Variants in UBTD1 observed in about 807,000 individuals in gnomAD.
UBTD1 encodes ubiquitin domain containing 1.
UBTD1 carries 19 observed loss-of-function variants against 21.7 expected under a neutral mutation model. That is an observed-to-expected ratio of 0.87 (90% confidence interval 0.61 to 1.28). The LOEUF (loss-of-function observed/expected upper bound fraction) is 1.28. UBTD1 is among the 50% of genes most tolerant of loss of function. UBTD1 has a pLI of 0.00. For synonymous variants in UBTD1, 116 were observed against 135.1 expected (o/e 0.86, Z 0.98); for missense variants, 282 against 315.1 (o/e 0.89, Z 0.80).
At position 97,558,537 on chromosome 10, in the gene UBTD1, A is replaced by G. The variant is rs556870819; in HGVS notation, c.71-9377A>G. Among the ~76,000 whole-genome samples the G allele has an allele frequency of 3.3e-5, 5 of 152,252 alleles. No homozygotes were observed. In the South Asian group the frequency reaches 1.0e-3, roughly 32 times the overall value. On this transcript the variant is annotated intron_variant, in intron 1 of 2. Coordinates refer to ENST00000370664, the MANE Select transcript of UBTD1 (RefSeq NM_024954.5). ...GACCACTGCCCTTGGCCAGGACCCT[A>G]CAGTCTGGGTTAAAACTCCAACTGC...
intron 1 of UBTD1, among the ~76,000 whole-genome samples, chr10:97,560,253 C>T (rs1381939619): frequency 6.6e-6 from 1 of 152,070 alleles, no homozygotes; most frequent in Admixed American, 6.6e-5. Context: ...TTAAAGCAAA[C>T]TTTCTTTATG....
At chr10:97,517,917 G>A (rs1372639273) in intron 1 of UBTD1, among the ~76,000 whole-genome samples, 1 of 152,106 alleles carries the variant, frequency 6.6e-6, no homozygotes, top group Non-Finnish European at 1.5e-5. Flanking sequence ...GAGGGAGGTG[G>A]CTGTGTTCTC....
intron 1 of UBTD1, among the ~76,000 whole-genome samples, chr10:97,510,363 T>G (rs2040418751): frequency 6.6e-6 from 1 of 152,228 alleles, no homozygotes; most frequent in African/African-American, 2.4e-5. Flanking sequence ...AATGTTTTAT[T>G]CATTTAGTAC....
chr10:97,499,638 C>T (rs2040328600), intron 1 of UBTD1, among the ~76,000 whole-genome samples: 2 of 152,154 alleles, frequency 1.3e-5, no homozygotes, highest in Admixed American at 6.5e-5. Context: ...CGTCGGGGCA[C>T]GGCGCGGGCA....
At chr10:97,564,295 A>G (rs897064020) in intron 1 of UBTD1, among the ~76,000 whole-genome samples, 3 of 152,206 alleles carry the variant, frequency 2.0e-5, no homozygotes, top group East Asian at 3.9e-4. Context: ...GTGCGTCCAT[A>G]TAAAAGTTCA....
intron 1 of UBTD1, 53 bp downstream of exon 1, chr10:97,499,326 C>T: frequency 3.3e-6 from 5 of 1,531,808 alleles, no homozygotes; most frequent in Non-Finnish European, 3.5e-6. Flanking sequence ...TTGTCCCCCT[C>T]CTCGCCCGAG....
intron 1 of UBTD1, among the ~76,000 whole-genome samples, chr10:97,551,840 C>T (rs1251720610): frequency 6.6e-6 from 1 of 152,086 alleles, no homozygotes; most frequent in African/African-American, 2.4e-5. Flanking sequence ...AAAATATAAA[C>T]CAAGAAGAAA....
intron 1 of UBTD1, among the ~76,000 whole-genome samples, chr10:97,506,677 C>A (rs941377431): frequency 1.3e-5 from 2 of 152,138 alleles, no homozygotes; most frequent in Admixed American, 6.5e-5. Context: ...TCTTCATCCC[C>A]CCAACCACTG....
intron 1 of UBTD1, among the ~76,000 whole-genome samples, chr10:97,546,927 CT>C (rs2040613798): frequency 6.6e-6 from 1 of 152,196 alleles, no homozygotes; most frequent in Non-Finnish European, 1.5e-5. Flanking sequence ...CTGTCTGTCT[CT>C]GTCTCCGTCT....
chr10:97,568,043 T>C lies in UBTD1; in HGVS notation c.200T>C (p.Ile67Thr). 1 of 1,613,900 alleles carries C rather than the reference T, an allele frequency of 6.2e-7. No homozygotes were observed. The highest frequency in any genetic ancestry group is 8.5e-7 in the Non-Finnish European group (1 of 1,180,026). The change falls in exon 2 of 3, where the codon ATC (isoleucine) becomes ACC (threonine). Residue 67 changes from isoleucine (I) to threonine (T), a missense_variant. By Grantham distance (89) the Ile-to-Thr change is moderately conservative (BLOSUM62 -1). Transcript: ENST00000370664. ...CCTGCCTTCGAGGGCCGCAAGGAGA[T>C]CTGGGATGCCCTCAAGGCTGCCGCC... ...TAPAFEGRKE[I>T]WDALKAAAYA...
intron 1 of UBTD1, among the ~76,000 whole-genome samples, chr10:97,567,163 C>G (rs978263786): frequency 4.0e-5 from 6 of 151,790 alleles, no homozygotes; most frequent in Admixed American, 2.6e-4. Context: ...CTCAACCTCC[C>G]AGGCTCAAGT....
rs1285054821 is a variant in UBTD1, at chr10:97,570,383, G to A, written c.544G>A (p.Glu182Lys). The change falls in exon 3 of 3, where the codon GAG becomes AAG. Residue 182 changes from glutamate (E) to lysine (K), a missense_variant. Coordinates refer to ENST00000370664, the MANE Select transcript of UBTD1 (RefSeq NM_024954.5). The surrounding 1 kb of genome is among the most constrained non-coding windows in gnomAD (Gnocchi z 6.6). ...GCTCAAGAGGCAGCTGCACGCCCAGGAGGGCATCGAGCCATCGTGGCAGCG... is the reference window on the plus strand; with the variant it reads ...GCTCAAGAGGCAGCTGCACGCCCAGAAGGGCATCGAGCCATCGTGGCAGCG... ...GQLKRQLHAQ[E>K]GIEPSWQRWF... 6.2e-7 allele frequency: 1 copy of A among 1,613,376 alleles called. No homozygotes were observed. Among genetic ancestry groups the A allele is most frequent in the Admixed American group, 1.7e-5 (1 of 60,034 alleles).
At chr10:97,561,161 C>T (rs1205945642) in intron 1 of UBTD1, among the ~76,000 whole-genome samples, 3 of 152,194 alleles carry the variant, frequency 2.0e-5, no homozygotes, top group East Asian at 1.9e-4. Context: ...TCTGGTGAGG[C>T]GTTCCACCGG....
intron 1 of UBTD1, among the ~76,000 whole-genome samples, chr10:97,540,606 T>C (rs562766082): frequency 1.3e-5 from 2 of 152,354 alleles, no homozygotes; most frequent in African/African-American, 4.8e-5. Context: ...TTAGCCCCAT[T>C]TTCTAGATAC....
At chr10:97,565,685 T>C (rs1017620070) in intron 1 of UBTD1, among the ~76,000 whole-genome samples, 11 of 152,000 alleles carry the variant, frequency 7.2e-5, no homozygotes, top group African/African-American at 2.7e-4. Flanking sequence ...CTCAATTATA[T>C]TGTATTTTTC....
At chr10:97,544,993 C>T (rs1187021833) in intron 1 of UBTD1, among the ~76,000 whole-genome samples, 1 of 151,854 alleles carries the variant, frequency 6.6e-6, no homozygotes, top group African/African-American at 2.4e-5. Context: ...TGGAAGAAAA[C>T]TCGAACCCAT....
intron 1 of UBTD1, among the ~76,000 whole-genome samples, chr10:97,510,497 T>C (rs370077113): frequency 6.6e-6 from 1 of 152,230 alleles, no homozygotes; most frequent in African/African-American, 2.4e-5. Context: ...ATCTACTCCA[T>C]AGGGCTGTCA....
chr10:97,502,077 A>G (rs1200711686), intron 1 of UBTD1, among the ~76,000 whole-genome samples: 1 of 152,200 alleles, frequency 6.6e-6, no homozygotes. Flanking sequence ...ACGCACACAC[A>G]CACATTCAGC....
intron 1 of UBTD1, among the ~76,000 whole-genome samples, chr10:97,510,779 A>C (rs1430785558): frequency 6.6e-6 from 1 of 152,198 alleles, no homozygotes; most frequent in Admixed American, 6.5e-5. Context: ...GTTGCAAGAT[A>C]GTGTCATTAT....
Sources: gnomAD v4.1 joint callset for allele counts (sites outside exome capture counted in the v4.1 genomes callset) on GRCh38, gnomAD v4.1.1 for gene constraint, Gnocchi (gnomAD v3.1) non-coding constraint, MANE v1.5 for transcripts, NCBI Gene and HGNC (gene_info 2026-07-23, HGNC 2026-07-21) for gene names.